Variants in SLC38A6 observed in about 807,000 individuals in gnomAD.
SLC38A6 encodes the protein solute carrier family 38 member 6.
Under a neutral mutation model 65.0 loss-of-function variants are expected in SLC38A6, and 73 were observed. That is an observed-to-expected ratio of 1.12 (90% confidence interval 0.93 to 1.37). The LOEUF (loss-of-function observed/expected upper bound fraction) is 1.37. Ranked by LOEUF, SLC38A6 falls within the 40% of genes most tolerant of loss-of-function variation. SLC38A6 has a pLI of 0.00. For missense variants in SLC38A6, 561 were observed against 531.1 expected (o/e 1.06, Z -0.55); for synonymous variants, 183 against 178.8 (o/e 1.02, Z -0.19).
At chr14:61,006,431 T>A (rs970180992) in intron 3 of SLC38A6, among the ~76,000 whole-genome samples, 1 of 152,228 alleles carries the variant, frequency 6.6e-6, no homozygotes, top group East Asian at 1.9e-4. Context: ...CCTACTCATC[T>A]GACAAAGGGC....
chr14:61,069,390 C>A (rs944229004), intron 15 of SLC38A6, among the ~76,000 whole-genome samples: 1 of 152,110 alleles, frequency 6.6e-6, no homozygotes, highest in African/African-American at 2.4e-5. Context: ...CGCTACTACC[C>A]CCATTAATCC....
At chr14:61,015,037 C>T (rs941558475) in intron 3 of SLC38A6, among the ~76,000 whole-genome samples, 3 of 152,188 alleles carry the variant, frequency 2.0e-5, no homozygotes, top group East Asian at 1.9e-4. Flanking sequence ...CCACCCAGTT[C>T]GAGCTTCCAG....
At chr14:61,071,044 G>A (rs911101693) in intron 15 of SLC38A6, among the ~76,000 whole-genome samples, 1 of 152,012 alleles carries the variant, frequency 6.6e-6, no homozygotes, top group Non-Finnish European at 1.5e-5. Context: ...TCTGTTGGAT[G>A]TTGTCCCACT....
chr14:61,000,736 C>T (rs181244255), intron 3 of SLC38A6, among the ~76,000 whole-genome samples: 70 of 152,312 alleles, frequency 4.6e-4, no homozygotes, highest in Admixed American at 1.2e-3. Flanking sequence ...AAAGAGCTGA[C>T]AGCCCTCTCT....
At chr14:61,004,923 A>G (rs1411539313) in intron 3 of SLC38A6, among the ~76,000 whole-genome samples, 3 of 152,196 alleles carry the variant, frequency 2.0e-5, no homozygotes, top group African/African-American at 7.2e-5. Flanking sequence ...ATGAACATGG[A>G]TGCAAAAATC....
chr14:61,030,794 G>T, intron 6 of SLC38A6: 1 of 239,030 alleles, frequency 4.2e-6, no homozygotes, highest in South Asian at 1.0e-4. Context: ...GGCTAAGACA[G>T]GTCTGAGATT....
chr14:61,054,185 G>A (rs1219447726), downstream of SLC38A6, among the ~76,000 whole-genome samples: 1 of 152,080 alleles, frequency 6.6e-6, no homozygotes, highest in African/African-American at 2.4e-5. Flanking sequence ...GATGGTCATA[G>A]GTGTGTGGCC....
intron 3 of SLC38A6, among the ~76,000 whole-genome samples, chr14:60,985,655 A>G (rs367710573): frequency 5.3e-5 from 8 of 152,328 alleles, no homozygotes; most frequent in South Asian, 4.1e-4. Context: ...CACAAAATAG[A>G]TAAAAATGGA....
intron 8 of SLC38A6, 54 bp downstream of exon 8, chr14:61,037,737 G>GT: frequency 1.7e-6 from 2 of 1,208,414 alleles, no homozygotes; most frequent in Non-Finnish European, 1.2e-6. Flanking sequence ...TGGACTCATT[G>GT]TGTTAGTCTT....
intron 3 of SLC38A6, among the ~76,000 whole-genome samples, chr14:61,011,706 C>T (rs1302031838): frequency 6.6e-6 from 1 of 152,142 alleles, no homozygotes; most frequent in Non-Finnish European, 1.5e-5. Flanking sequence ...GTATGTTGAA[C>T]CAGCCTTCCA....
rs1371161538 is a variant in SLC38A6, at chr14:61,064,201, TG to T, written c.1290+12068del. On this transcript the variant is annotated intron_variant, in intron 15 of 16. Coordinates refer to the SLC38A6 transcript ENST00000354886. ...AATGGTCCCAGGCCACAGCCAGACA[TG>T]GCCTCCCATGTGGCTTCAGGTCAGC... is the stretch of plus-strand genomic sequence containing the variant. Among the ~76,000 whole-genome samples the T allele has an allele frequency of 3.3e-5, 5 of 152,334 alleles. No homozygotes were observed. The South Asian group carries it at 1.0e-3, about 32-fold the overall frequency.
intron 15 of SLC38A6, 51 bp downstream of exon 15, chr14:61,052,186 T>G (rs747533530): frequency 1.4e-6 from 2 of 1,438,216 alleles, no homozygotes; most frequent in South Asian, 1.4e-5. Flanking sequence ...AAGAAATAGT[T>G]TGTCAGTTTA....
At chr14:61,027,587 C>T (rs2040677457) in intron 5 of SLC38A6, among the ~76,000 whole-genome samples, 1 of 151,968 alleles carries the variant, frequency 6.6e-6, no homozygotes. Context: ...ATGAGCATTC[C>T]TATCAATAGT....
At chr14:61,016,472 T>C (rs148636629) in intron 4 of SLC38A6, among the ~76,000 whole-genome samples, 26 of 152,294 alleles carry the variant, frequency 1.7e-4, no homozygotes, top group Admixed American at 1.6e-3. Context: ...ATTTGTCAAC[T>C]ATTATATAAA....
In SLC38A6 at chr14:61,016,883, T is replaced by C. The variant is rs141036889; in HGVS notation, c.363+927T>C. ...TTGACCTAATTAATATTTGCATTAC[T>C]TCACATACTTACCATTTTTTGTTTT... On this transcript the variant is annotated intron_variant, in intron 4 of 15. Transcript: ENST00000267488. Among the ~76,000 whole-genome samples the C allele has an allele frequency of 4.3e-3, 657 of 152,338 alleles. 10 individuals carry two copies. Among genetic ancestry groups the C allele is most frequent in the African/African-American group, 0.014 (588 of 41,578 alleles).
chr14:61,015,633 G>T (rs1041504045), intron 3 of SLC38A6, among the ~76,000 whole-genome samples: 5 of 152,200 alleles, frequency 3.3e-5, no homozygotes, highest in African/African-American at 1.2e-4. Flanking sequence ...CATAGGTATT[G>T]TGGCTTATGT....
intron 5 of SLC38A6, among the ~76,000 whole-genome samples, chr14:61,024,147 C>T (rs2040490104): frequency 1.3e-5 from 2 of 151,988 alleles, no homozygotes; most frequent in African/African-American, 4.8e-5. Context: ...AATCAGGCAC[C>T]AAGTATTAGT....
chr14:61,065,103 A>G (rs1435116824), intron 15 of SLC38A6, among the ~76,000 whole-genome samples: 1 of 152,032 alleles, frequency 6.6e-6, no homozygotes, highest in Non-Finnish European at 1.5e-5. Context: ...AGGTCTGGAA[A>G]TCTTTGGGGT....
intron 15 of SLC38A6, among the ~76,000 whole-genome samples, chr14:61,063,910 A>C (rs1177926345): frequency 7.2e-5 from 11 of 152,208 alleles, no homozygotes; most frequent in Non-Finnish European, 1.3e-4. Context: ...TTAGGTGCAG[A>C]CCAAAACAGA....
Sources: allele counts gnomAD v4.1 joint callset (sites outside exome capture counted in the v4.1 genomes callset), GRCh38; gene constraint gnomAD v4.1.1; transcripts MANE v1.5; gene names NCBI Gene and HGNC (gene_info 2026-07-23, HGNC 2026-07-21).